Variants in MSRA observed in about 807,000 individuals in gnomAD.
MSRA encodes the protein mitochondrial peptide methionine sulfoxide reductase.
A neutral mutation model predicts 31.3 loss-of-function variants in MSRA; 54 were observed. The ratio of observed to expected loss-of-function variants is 1.73; its 90% confidence interval spans 1.39 to 2.17. The LOEUF (loss-of-function observed/expected upper bound fraction) is 2.17, where lower values mean the gene tolerates loss of function less well. Among genes scored for constraint, MSRA ranks in the 30% most tolerant of loss-of-function variants. The pLI is 0.00. For missense variants in MSRA, 507 were observed against 300.9 expected (o/e 1.69, Z -5.07); for synonymous variants, 169 against 116.5 (o/e 1.45, Z -2.90).
intron 1 of MSRA, among the ~76,000 whole-genome samples, chr8:10,086,573 A>G (rs1457231482): frequency 6.6e-6 from 1 of 152,236 alleles, no homozygotes; most frequent in Non-Finnish European, 1.5e-5. Flanking sequence ...TCATCCATAA[A>G]GTAATACCTA....
chr8:10,209,970 GC>G (rs1809329000), intron 2 of MSRA, among the ~76,000 whole-genome samples: 2 of 152,252 alleles, frequency 1.3e-5, no homozygotes, highest in South Asian at 4.2e-4. Context: ...TTAAATTAAG[GC>G]CTTATTTTGG....
intron 1 of MSRA, among the ~76,000 whole-genome samples, chr8:10,193,950 A>G (rs898008466): frequency 6.6e-6 from 1 of 152,234 alleles, no homozygotes; most frequent in African/African-American, 2.4e-5. Context: ...TTTAAGGGAA[A>G]TATATAACAT....
intron 1 of MSRA, among the ~76,000 whole-genome samples, chr8:10,097,900 T>C (rs975479012): frequency 3.9e-5 from 6 of 152,184 alleles, no homozygotes; most frequent in South Asian, 2.1e-4. Context: ...CTAGCTATTA[T>C]AGTCACTGAA....
chr8:10,110,089 C>T (rs966180888), intron 1 of MSRA, among the ~76,000 whole-genome samples: 25 of 152,176 alleles, frequency 1.6e-4, no homozygotes, highest in African/African-American at 6.0e-4. Context: ...TCATGCCCCA[C>T]ACAGACATTC....
intron 1 of MSRA, among the ~76,000 whole-genome samples, chr8:10,106,925 C>T (rs1165464349): frequency 6.6e-6 from 1 of 151,456 alleles, no homozygotes; most frequent in Admixed American, 6.6e-5. Flanking sequence ...CATTCACCTA[C>T]CCCATCTATC....
intron 1 of MSRA, among the ~76,000 whole-genome samples, chr8:10,137,189 T>C (rs1256940197): frequency 6.6e-6 from 1 of 152,214 alleles, no homozygotes; most frequent in Non-Finnish European, 1.5e-5. Context: ...TGGAGCCTTC[T>C]TTATTTTGAC....
At chr8:10,399,390 G>A (rs1807301629) in intron 5 of MSRA, among the ~76,000 whole-genome samples, 1 of 152,180 alleles carries the variant, frequency 6.6e-6, no homozygotes, top group Non-Finnish European at 1.5e-5. Context: ...ATAGGATCAG[G>A]GGACAGATCC....
chr8:10,107,069 C>T (rs774634067), intron 1 of MSRA, among the ~76,000 whole-genome samples: 2 of 152,136 alleles, frequency 1.3e-5, no homozygotes, highest in Admixed American at 6.5e-5. Flanking sequence ...CACAGATAAC[C>T]GCTGCCATCA....
intron 1 of MSRA, among the ~76,000 whole-genome samples, chr8:10,058,424 A>G (rs1266042639): frequency 6.6e-6 from 1 of 152,236 alleles, no homozygotes; most frequent in African/African-American, 2.4e-5. Context: ...TAAAACTTTG[A>G]TGAAAATGAT....
chr8:10,245,518 C>T (rs1394778817), intron 3 of MSRA, among the ~76,000 whole-genome samples: 2 of 152,334 alleles, frequency 1.3e-5, no homozygotes, highest in South Asian at 4.1e-4. Context: ...TGAGGCTGGG[C>T]TCAGCTTTAT....
At chr8:10,386,701 G>C (rs908531407) in intron 5 of MSRA, among the ~76,000 whole-genome samples, 1 of 151,972 alleles carries the variant, frequency 6.6e-6, no homozygotes, top group African/African-American at 2.4e-5. Context: ...CTGATCCCAG[G>C]ATCACACTTT....
chr8:10,414,181 A>AG (rs1465634143), intron 5 of MSRA, among the ~76,000 whole-genome samples: 2 of 152,096 alleles, frequency 1.3e-5, no homozygotes, highest in Admixed American at 6.5e-5. Context: ...GAAAAAAAAA[A>AG]CGAATTTTAT....
chr8:10,307,352 G>A (rs1254019137), intron 4 of MSRA, among the ~76,000 whole-genome samples: 1 of 151,984 alleles, frequency 6.6e-6, no homozygotes, highest in Non-Finnish European at 1.5e-5. Flanking sequence ...ATTTTTGGTA[G>A]AGATGGATTT....
chr8:10,408,175 C>G (rs1431556587), intron 5 of MSRA, among the ~76,000 whole-genome samples: 1 of 152,092 alleles, frequency 6.6e-6, no homozygotes, highest in African/African-American at 2.4e-5. Flanking sequence ...ACGAGATGTG[C>G]AAAAATCGGG....
intron 1 of MSRA, among the ~76,000 whole-genome samples, chr8:10,057,612 G>C (rs1224952237): frequency 6.6e-6 from 1 of 152,176 alleles, no homozygotes; most frequent in African/African-American, 2.4e-5. Context: ...GGCCTGGTGA[G>C]AGGTGATTGA....
chr8:10,359,578 C>T (rs889835838), intron 5 of MSRA, among the ~76,000 whole-genome samples: 2 of 152,166 alleles, frequency 1.3e-5, no homozygotes, highest in African/African-American at 4.8e-5. Flanking sequence ...TCCTCCTCTT[C>T]GTTTTCTTTC....
intron 1 of MSRA, among the ~76,000 whole-genome samples, chr8:10,200,622 G>A (rs1563211187): frequency 6.6e-6 from 1 of 152,116 alleles, no homozygotes; most frequent in Admixed American, 6.5e-5. Flanking sequence ...CAGCAGGGAG[G>A]GGAGAAGCCC....
intron 5 of MSRA, among the ~76,000 whole-genome samples, chr8:10,334,150 C>T (rs185385428): frequency 1.3e-5 from 2 of 151,548 alleles, no homozygotes; most frequent in Non-Finnish European, 2.9e-5. Context: ...CTTATCTTAC[C>T]AACTAACATA....
At chr8:10,320,148 C>G in intron 5 of MSRA, 159 bp downstream of exon 5, 3 of 519,974 alleles carry the variant, frequency 5.8e-6, no homozygotes, top group Non-Finnish European at 6.9e-6. Flanking sequence ...GCCATTGTGT[C>G]TAATACGTGT....
Sources: gnomAD v4.1 joint callset for allele counts (sites outside exome capture counted in the v4.1 genomes callset) on GRCh38, gnomAD v4.1.1 for gene constraint, MANE v1.5 for transcripts, NCBI Gene and HGNC (gene_info 2026-07-23, HGNC 2026-07-21) for gene names.